NAV2: variants seen among roughly 807,000 people sequenced by gnomAD.
NAV2 encodes the protein neuron navigator 2.
Under a neutral mutation model 223.2 loss-of-function variants are expected in NAV2, and 54 were observed. That is an observed-to-expected ratio of 0.24 (90% CI 0.19 to 0.30). The LOEUF is 0.30. NAV2 is among the 10% of genes least tolerant of loss of function. The pLI, the probability that NAV2 is intolerant of heterozygous loss-of-function variation, is 1.00. For synonymous variants in NAV2, 1,279 were observed against 1,239.3 expected, an observed-to-expected ratio of 1.03 and a Z score of -0.67; for missense variants, 2,806 against 3,147.5, an observed-to-expected ratio of 0.89 and a Z score of 2.60.
At chr11:19,539,780 C>CT (rs2044291791) in intron 1 of NAV2, among the ~76,000 whole-genome samples, 1 of 152,166 alleles carries the variant, frequency 6.6e-6, no homozygotes, top group South Asian at 2.1e-4. Flanking sequence ...GTCCTACTCT[C>CT]TGAAAAGTTA....
At chr11:20,063,595 G>A (rs747649865) in intron 20 of NAV2, among the ~76,000 whole-genome samples, 2 of 152,018 alleles carry the variant, frequency 1.3e-5, no homozygotes, top group African/African-American at 2.4e-5. Context: ...GGCTGTTCTT[G>A]AACTCCTGAC....
At chr11:19,562,103 A>C (rs1356433947) in intron 1 of NAV2, among the ~76,000 whole-genome samples, 1 of 152,224 alleles carries the variant, frequency 6.6e-6, no homozygotes, top group Non-Finnish European at 1.5e-5. Context: ...GGCAGTGGTA[A>C]TATACCCATT....
chr11:19,465,446 T>C (rs1268349782), intron 1 of NAV2, among the ~76,000 whole-genome samples: 1 of 152,272 alleles, frequency 6.6e-6, no homozygotes, highest in African/African-American at 2.4e-5. Context: ...CAGATTTTAA[T>C]TATTTTAATT....
chr11:19,862,855 G>GAC (rs1447524314), intron 3 of NAV2, among the ~76,000 whole-genome samples: 3 of 152,302 alleles, frequency 2.0e-5, no homozygotes, highest in Non-Finnish European at 4.4e-5. Context: ...CTACAAGACA[G>GAC]ACATTTAGGA....
intron 1 of NAV2, among the ~76,000 whole-genome samples, chr11:19,688,523 T>TA (rs1442374796): frequency 6.6e-6 from 1 of 152,160 alleles, no homozygotes; most frequent in East Asian, 1.9e-4. Context: ...ATATGAGAAG[T>TA]AAAAATATTT....
chr11:20,071,006 G>T lies in NAV2; in HGVS notation c.4983+2608G>T, dbSNP rs893905796. Among the ~76,000 whole-genome samples, 36 of 151,962 alleles carry T rather than the reference G, an allele frequency of 2.4e-4. 1 individual carries two copies. The highest frequency in any genetic ancestry group is 8.2e-4 in the African/African-American group (34 of 41,320). On this transcript the variant is annotated intron_variant, in intron 22 of 37. Transcript: ENST00000349880. ...GTTCTGGGGTACATGTGCAGAATGT[G>T]CAGGTTCGTTACGTACGTATACATG...
intron 5 of NAV2, among the ~76,000 whole-genome samples, chr11:19,889,599 A>G (rs539035024): frequency 6.6e-6 from 1 of 152,216 alleles, no homozygotes; most frequent in Admixed American, 6.5e-5. Flanking sequence ...CCATGTCCCA[A>G]AAGGCTTGGC....
chr11:19,700,210 C>A (rs992427045), intron 1 of NAV2, among the ~76,000 whole-genome samples: 2 of 152,192 alleles, frequency 1.3e-5, no homozygotes, highest in Non-Finnish European at 2.9e-5. Context: ...ATCATTCCAA[C>A]AACCCTATGA....
chr11:19,724,930 A>C (rs942568174), intron 1 of NAV2, among the ~76,000 whole-genome samples: 1 of 152,212 alleles, frequency 6.6e-6, no homozygotes, highest in South Asian at 2.1e-4. Context: ...GTAGGCACTT[A>C]AGAAATAGTT....
At chr11:20,002,506 C>T (rs2052648786) in intron 11 of NAV2, among the ~76,000 whole-genome samples, 1 of 152,132 alleles carries the variant, frequency 6.6e-6, no homozygotes, top group Non-Finnish European at 1.5e-5. Context: ...GGAAGGCTTC[C>T]TGGAGGTGGT....
At chr11:19,608,486 A>C (rs1013571578) in intron 1 of NAV2, among the ~76,000 whole-genome samples, 4 of 152,256 alleles carry the variant, frequency 2.6e-5, no homozygotes, top group African/African-American at 9.6e-5. Context: ...CCACTTCGGG[A>C]TGTGAACTTA....
chr11:19,692,170 T>C (rs1323284178), intron 1 of NAV2, among the ~76,000 whole-genome samples: 1 of 152,214 alleles, frequency 6.6e-6, no homozygotes, highest in South Asian at 2.1e-4. Context: ...GCAGACTCAC[T>C]GGGAGAAAGA....
intron 1 of NAV2, among the ~76,000 whole-genome samples, chr11:19,504,661 C>T (rs1412627829): frequency 6.6e-6 from 1 of 152,112 alleles, no homozygotes; most frequent in Non-Finnish European, 1.5e-5. Flanking sequence ...TCTTGTTTTC[C>T]CCTTCCAAAG....
At chr11:19,653,767 C>T (rs567342971) in intron 1 of NAV2, among the ~76,000 whole-genome samples, 38 of 152,264 alleles carry the variant, frequency 2.5e-4, no homozygotes, top group African/African-American at 6.7e-4. Context: ...ATTTTGCAGA[C>T]GAGGAACACA....
At chr11:19,643,761 A>T (rs1590024192) in intron 1 of NAV2, among the ~76,000 whole-genome samples, 1 of 152,192 alleles carries the variant, frequency 6.6e-6, no homozygotes, top group South Asian at 2.1e-4. Context: ...CAATGGTTGA[A>T]CTAGTTTACA....
At chr11:19,551,659 A>G (rs1358826029) in intron 1 of NAV2, among the ~76,000 whole-genome samples, 6 of 152,222 alleles carry the variant, frequency 3.9e-5, no homozygotes, top group African/African-American at 1.2e-4. Context: ...TCAAAACAGA[A>G]TAAGAAACTG....
chr11:20,051,360 T>A (rs780559274), intron 17 of NAV2, 27 bp downstream of exon 17: 2 of 1,610,834 alleles, frequency 1.2e-6, no homozygotes, highest in East Asian at 4.5e-5. Flanking sequence ...CTTGCATCTG[T>A]GCCATCTGTT....
intron 11 of NAV2, among the ~76,000 whole-genome samples, chr11:20,019,743 C>T (rs116401895): frequency 0.014 from 2,103 of 151,986 alleles, 44 homozygotes; most frequent in African/African-American, 0.048. Context: ...TATGGAAACC[C>T]GGGATGAGGC....
intron 1 of NAV2, among the ~76,000 whole-genome samples, chr11:19,785,556 C>A (rs1323893699): frequency 6.6e-6 from 1 of 151,964 alleles, no homozygotes; most frequent in Non-Finnish European, 1.5e-5. Context: ...CTTGAGATAA[C>A]ATTTAATCCA....
Sources: allele counts gnomAD v4.1 joint callset (sites outside exome capture counted in the v4.1 genomes callset), GRCh38; gene constraint gnomAD v4.1.1; transcripts MANE v1.5; gene names NCBI Gene and HGNC (gene_info 2026-07-23, HGNC 2026-07-21).